Variants in MYO6 observed in about 807,000 individuals in gnomAD.
The protein encoded by MYO6 is myosin VI.
In MYO6, 74 loss-of-function variants were observed where a neutral mutation model predicts 178.7. That is an observed-to-expected ratio of 0.41 (90% CI 0.34 to 0.50). The LOEUF is 0.50. Among genes scored for constraint, MYO6 ranks in the 20% least tolerant of loss-of-function variants. The probability of loss-of-function intolerance (pLI) is 0.09; values close to 1 mark genes in which losing one functional copy is unlikely to be tolerated. For missense variants in MYO6, 1,330 were observed against 1,547.4 expected, an observed-to-expected ratio of 0.86 and a Z score of 2.36; for synonymous variants, 477 against 504.6, an observed-to-expected ratio of 0.95 and a Z score of 0.73.
chr6:75,901,659 G>A (rs1217445690), intron 30 of MYO6, among the ~76,000 whole-genome samples: 1 of 152,180 alleles, frequency 6.6e-6, no homozygotes, highest in African/African-American at 2.4e-5. Flanking sequence ...ATACAATCAT[G>A]TCGTCTGCAA....
Position 75,870,696 on chromosome 6 carries a change from T to C in MYO6, c.1983+11T>C. On this transcript the variant is annotated intron_variant, in intron 19 of 34. Transcript: ENST00000369977. ...AAACTTCGAAGTACTGTGAGTATGC[T>C]TAAAAAGAAAACAGGTTTTTATGGG... is the stretch of plus-strand genomic sequence containing the variant. 6.2e-7 allele frequency: 1 copy of C among 1,608,882 alleles called. No individual in the cohort carries two copies. The highest frequency in any genetic ancestry group is 8.5e-7 in the Non-Finnish European group (1 of 1,176,742).
chr6:75,885,012 G>C (rs554787258), intron 23 of MYO6, among the ~76,000 whole-genome samples: 11 of 152,138 alleles, frequency 7.2e-5, no homozygotes, highest in Non-Finnish European at 1.6e-4. Flanking sequence ...TTGGGAAAGG[G>C]TTATTATCAT....
At chr6:75,794,928 C>G (rs1768651721) in intron 1 of MYO6, among the ~76,000 whole-genome samples, 1 of 152,122 alleles carries the variant, frequency 6.6e-6, no homozygotes, top group Non-Finnish European at 1.5e-5. Context: ...CAAAGAAATT[C>G]ATCCTTCATG....
At chr6:75,775,333 C>A (rs183981423) in intron 1 of MYO6, among the ~76,000 whole-genome samples, 10 of 152,286 alleles carry the variant, frequency 6.6e-5, no homozygotes, top group Non-Finnish European at 1.2e-4. Context: ...TTGTGCAGGT[C>A]ACCTCTGGGT....
At chr6:75,810,459 G>C (rs1770584329) in intron 1 of MYO6, among the ~76,000 whole-genome samples, 1 of 152,142 alleles carries the variant, frequency 6.6e-6, no homozygotes, top group African/African-American at 2.4e-5. Flanking sequence ...TCAGTCTTAT[G>C]ATCTCTATTT....
intron 7 of MYO6, among the ~76,000 whole-genome samples, chr6:75,839,517 C>T (rs1223052777): frequency 6.6e-6 from 1 of 152,036 alleles, no homozygotes; most frequent in Non-Finnish European, 1.5e-5. Flanking sequence ...GAAGAACATG[C>T]TTCATAAAAA....
At chr6:75,899,705 T>TC (rs1217266875) in intron 30 of MYO6, among the ~76,000 whole-genome samples, 2 of 148,190 alleles carry the variant, frequency 1.3e-5, no homozygotes, top group Non-Finnish European at 3.0e-5. Context: ...CATTATTCTT[T>TC]TTTTTTTTTT....
chr6:75,908,880 G>C (rs748947764), intron 32 of MYO6, among the ~76,000 whole-genome samples: 9 of 151,974 alleles, frequency 5.9e-5, no homozygotes, highest in Non-Finnish European at 1.3e-4. Flanking sequence ...TCTGAAGAGG[G>C]TGTGCATGCA....
At chr6:75,816,649 C>T (rs1051349072) in intron 1 of MYO6, among the ~76,000 whole-genome samples, 9 of 152,234 alleles carry the variant, frequency 5.9e-5, no homozygotes, top group East Asian at 1.9e-4. Context: ...TGAGTAGTTC[C>T]GTGAGGATGA....
At chr6:75,807,052 G>A (rs11966897) in intron 1 of MYO6, among the ~76,000 whole-genome samples, 2,549 of 152,304 alleles carry the variant, frequency 0.017, 66 homozygotes, top group African/African-American at 0.058. Context: ...AGTGCTCAGC[G>A]TGGCTGTCTC....
At position 75,918,197 on chromosome 6, in the gene MYO6, C is replaced by A. The variant is rs959427588; in HGVS notation, c.*3185C>A. ...GACAGGTTTTCCCTATTTATCATTACCAATAATAACAAGTATTGAGAGTTT... is the reference window on the plus strand; with the variant it reads ...GACAGGTTTTCCCTATTTATCATTAACAATAATAACAAGTATTGAGAGTTT... On this transcript the variant is annotated 3_prime_UTR_variant, in exon 35 of 35. Coordinates refer to ENST00000369977, the MANE Select transcript of MYO6 (RefSeq NM_004999.4). The A allele has an allele frequency of 2.0e-5, 3 of 151,848 alleles. No homozygotes were observed. The highest frequency in any genetic ancestry group is 7.3e-5 in the African/African-American group (3 of 41,236). The allele number at this position is 151,848 out of a possible 1,614,324, so 9.4% of individuals were successfully genotyped here.
At position 75,866,220 on chromosome 6, in the gene MYO6, T is replaced by G. The variant is rs6929241; in HGVS notation, c.1675-306T>G. On this transcript the variant is annotated intron_variant, in intron 16 of 34. Coordinates refer to ENST00000369977, the MANE Select transcript of MYO6 (RefSeq NM_004999.4). ...AAAAATTTTTTTATTACAAGCATGT[T>G]CTTTTAAATTGTGTTTTTTTTTGGG... 8.9e-3 allele frequency among the ~76,000 whole-genome samples: 1,358 copies of G among 152,158 alleles called. 23 individuals carry two copies. The highest frequency in any genetic ancestry group is 0.031 in the African/African-American group (1,284 of 41,502).
chr6:75,894,214 C>T (rs967763922), intron 28 of MYO6, among the ~76,000 whole-genome samples: 8 of 152,162 alleles, frequency 5.3e-5, no homozygotes, highest in Non-Finnish European at 7.4e-5. Flanking sequence ...CATATGTGGA[C>T]CCCTTCCCAT....
chr6:75,883,852 A>C (rs1316762846), intron 23 of MYO6, among the ~76,000 whole-genome samples: 1 of 152,212 alleles, frequency 6.6e-6, no homozygotes, highest in Non-Finnish European at 1.5e-5. Context: ...TTTCCTTATC[A>C]GTAGAAAAGG....
chr6:75,911,623 C>T (rs373297574), intron 32 of MYO6, 49 bp from the exon 33 acceptor site: 56 of 1,506,886 alleles, frequency 3.7e-5, no homozygotes, highest in Non-Finnish European at 4.9e-5. Flanking sequence ...GCTCATTTAA[C>T]AGTTTTGGCA....
intron 24 of MYO6, among the ~76,000 whole-genome samples, chr6:75,886,350 G>C (rs1778431442): frequency 6.6e-6 from 1 of 152,164 alleles, no homozygotes; most frequent in Non-Finnish European, 1.5e-5. Context: ...CAAGAAGTAA[G>C]TAGTTGAGAG....
chr6:75,777,306 T>C (rs913158830), intron 1 of MYO6, among the ~76,000 whole-genome samples: 1 of 152,184 alleles, frequency 6.6e-6, no homozygotes, highest in African/African-American at 2.4e-5. Context: ...GTGATAAAAA[T>C]ATGGTTTCCT....
At position 75,879,709 on chromosome 6, in the gene MYO6, T is replaced by C. The variant is rs983656942; in HGVS notation, c.2078-111T>C. ...TATATAATATTTAGTTGCTGATAAT[T>C]CTCATAAATTGCCCGTTTCTAAACA... On this transcript the variant is annotated intron_variant, in intron 20 of 34. Coordinates refer to ENST00000369977, the MANE Select transcript of MYO6 (RefSeq NM_004999.4). The C allele has an allele frequency of 2.1e-6, 3 of 1,441,782 alleles. No homozygotes were observed. The African/African-American group carries it at 4.2e-5, about 20-fold the overall frequency. 89.3% of individuals were successfully genotyped at this position (1,441,782 alleles called of 1,614,324 possible).
At chr6:75,763,493 A>G (rs1224215253) in intron 1 of MYO6, among the ~76,000 whole-genome samples, 3 of 152,344 alleles carry the variant, frequency 2.0e-5, no homozygotes, top group Admixed American at 1.3e-4. Flanking sequence ...CTAGCTAAAT[A>G]CATATTTGAT....
Sources: gnomAD v4.1 joint callset for allele counts (sites outside exome capture counted in the v4.1 genomes callset) on GRCh38, gnomAD v4.1.1 for gene constraint, MANE v1.5 for transcripts, NCBI Gene and HGNC (gene_info 2026-07-23, HGNC 2026-07-21) for gene names.